The following TMC1 variants were observed in gnomAD, a reference collection of about 807,000 sequenced individuals.
TMC1 encodes transmembrane channel like 1.
TMC1 carries 84 observed loss-of-function variants against 105.8 expected under a neutral mutation model. The observed-to-expected ratio is 0.79, with a 90% CI of 0.67 to 0.95. The LOEUF (loss-of-function observed/expected upper bound fraction) is 0.95. Ranked by LOEUF, TMC1 falls within the 40% of genes least tolerant of loss-of-function variation. TMC1 has a pLI of 0.00. For synonymous variants in TMC1, 315 were observed against 311.5 expected (o/e 1.01, Z -0.12); for missense variants, 817 against 914.1 (o/e 0.89, Z 1.37).
chr9:72,694,413 A>G, intron 6 of TMC1, 130 bp from the exon 7 acceptor site: 2 of 760,584 alleles, frequency 2.6e-6, no homozygotes, highest in Non-Finnish European at 4.5e-6. Context: ...GATGCATCCC[A>G]TCACGATGTG....
rs1350996327 is a variant in TMC1, at chr9:72,827,004, T to C, written c.2129+10T>C. The C allele has an allele frequency of 5.0e-6, 8 of 1,613,932 alleles. No homozygotes were observed. The highest frequency in any genetic ancestry group is 5.9e-6 in the Non-Finnish European group (7 of 1,179,834). On this transcript the variant is annotated intron_variant, in intron 21 of 23. Coordinates refer to ENST00000297784, the MANE Select transcript of TMC1 (RefSeq NM_138691.3). ...TCATTTTGGTGATGGTGTATGTGCT[T>C]TTCCTCCTCATAGAAAGAGCCTCTG...
intron 18 of TMC1, among the ~76,000 whole-genome samples, chr9:72,808,673 A>T (rs1437572106): frequency 1.3e-5 from 2 of 152,184 alleles, no homozygotes. Context: ...AGCACTGTCT[A>T]TTGCCAGAAC....
At chr9:72,599,822 GAAAGAA>G (rs1824778045) in intron 2 of TMC1, among the ~76,000 whole-genome samples, 5 of 150,774 alleles carry the variant, frequency 3.3e-5, no homozygotes, top group Non-Finnish European at 7.4e-5. Flanking sequence ...AAAAAAAAAA[GAAAGAA>G]AAAGAAAAAA....
intron 8 of TMC1, among the ~76,000 whole-genome samples, chr9:72,714,971 A>G (rs1413144738): frequency 6.6e-6 from 1 of 152,074 alleles, no homozygotes; most frequent in Non-Finnish European, 1.5e-5. Flanking sequence ...TGGTGACAAA[A>G]TCTCTCAGCA....
At chr9:72,660,449 T>G (rs1006364438) in intron 5 of TMC1, among the ~76,000 whole-genome samples, 2 of 152,092 alleles carry the variant, frequency 1.3e-5, no homozygotes, top group Non-Finnish European at 2.9e-5. Flanking sequence ...TTGAAAAAAA[T>G]AACCTTTTAT....
intron 8 of TMC1, among the ~76,000 whole-genome samples, chr9:72,714,211 G>A (rs2793158): frequency 0.23 from 34,636 of 152,078 alleles, 4,274 homozygotes; most frequent in East Asian, 0.38. Context: ...GAATAAGTGC[G>A]ATGTGGTGCT....
intron 6 of TMC1, among the ~76,000 whole-genome samples, chr9:72,691,407 T>C (rs1297987915): frequency 6.6e-6 from 1 of 152,148 alleles, no homozygotes; most frequent in Non-Finnish European, 1.5e-5. Flanking sequence ...TTGGTATCCA[T>C]ATATTAGAAA....
At chr9:72,622,878 C>A (rs1445061727) in intron 3 of TMC1, among the ~76,000 whole-genome samples, 1 of 151,754 alleles carries the variant, frequency 6.6e-6, no homozygotes, top group African/African-American at 2.4e-5. Flanking sequence ...TGGTGAAACC[C>A]CATCTCTACT....
intron 3 of TMC1, among the ~76,000 whole-genome samples, chr9:72,624,984 A>G (rs1712801071): frequency 1.3e-5 from 2 of 152,234 alleles, no homozygotes; most frequent in Admixed American, 6.5e-5. Flanking sequence ...ACTGATGACT[A>G]TTAAGTTGCT....
chr9:72,710,040 T>A (rs975237699), intron 8 of TMC1, among the ~76,000 whole-genome samples: 1 of 152,152 alleles, frequency 6.6e-6, no homozygotes, highest in Non-Finnish European at 1.5e-5. Flanking sequence ...GCAGTTTTGA[T>A]AGGTTGTGTC....
intron 5 of TMC1, among the ~76,000 whole-genome samples, chr9:72,683,733 T>TTTTATA (rs1179876329): frequency 9.4e-5 from 5 of 53,404 alleles, no homozygotes; most frequent in African/African-American, 2.5e-4. Flanking sequence ...GTTACACATT[T>TTTTATA]TATATATATA....
intron 6 of TMC1, among the ~76,000 whole-genome samples, chr9:72,691,678 C>G (rs1826468770): frequency 6.6e-6 from 1 of 152,052 alleles, no homozygotes; most frequent in Non-Finnish European, 1.5e-5. Context: ...GTCCTGAGTT[C>G]TTTTTTTTGT....
intron 8 of TMC1, among the ~76,000 whole-genome samples, chr9:72,732,737 C>A (rs954856362): frequency 6.6e-6 from 1 of 152,094 alleles, no homozygotes; most frequent in East Asian, 1.9e-4. Flanking sequence ...GCACTGAGCT[C>A]AAAAAGAGTA....
At chr9:72,675,661 T>A (rs934315211) in intron 5 of TMC1, among the ~76,000 whole-genome samples, 2 of 152,242 alleles carry the variant, frequency 1.3e-5, no homozygotes, top group African/African-American at 4.8e-5. Context: ...GAAATTGATT[T>A]CTTTAGACTG....
intron 1 of TMC1, among the ~76,000 whole-genome samples, chr9:72,543,692 A>G (rs1823715750): frequency 6.6e-6 from 1 of 152,160 alleles, no homozygotes; most frequent in African/African-American, 2.4e-5. Context: ...CTGAGGCAGA[A>G]CTGCTTGAAC....
intron 2 of TMC1, among the ~76,000 whole-genome samples, chr9:72,615,308 G>A (rs1363766793): frequency 6.6e-6 from 1 of 152,168 alleles, no homozygotes. Flanking sequence ...AAGAGGTTAT[G>A]TACTTGGCTG....
intron 5 of TMC1, among the ~76,000 whole-genome samples, chr9:72,666,774 C>T (rs1026421613): frequency 1.3e-5 from 2 of 151,966 alleles, no homozygotes; most frequent in Non-Finnish European, 2.9e-5. Context: ...CACGGCCAGG[C>T]GTGGTGGCCT....
chr9:72,740,782 T>C (rs1327274009), intron 9 of TMC1, among the ~76,000 whole-genome samples: 1 of 152,198 alleles, frequency 6.6e-6, no homozygotes, highest in East Asian at 1.9e-4. Context: ...TTTACAAATG[T>C]TATACCAACT....
chr9:72,600,885 A>T (rs1371588082), intron 2 of TMC1, among the ~76,000 whole-genome samples: 1 of 152,172 alleles, frequency 6.6e-6, no homozygotes, highest in Admixed American at 6.5e-5. Flanking sequence ...ACTTCATGGA[A>T]TCTGAGAACT....
Sources: gnomAD v4.1 joint callset for allele counts (sites outside exome capture counted in the v4.1 genomes callset) on GRCh38, gnomAD v4.1.1 for gene constraint, MANE v1.5 for transcripts, NCBI Gene and HGNC (gene_info 2026-07-23, HGNC 2026-07-21) for gene names.